POU2F1: variants seen among roughly 807,000 people sequenced by gnomAD.
The protein encoded by POU2F1 is POU class 2 homeobox 1, also known as POU domain, class 2, transcription factor 1.
A neutral mutation model predicts 84.9 loss-of-function variants in POU2F1; 16 were observed. The ratio of observed to expected loss-of-function variants is 0.19; its 90% CI spans 0.13 to 0.29. The LOEUF (loss-of-function observed/expected upper bound fraction) is 0.29. Ranked by LOEUF, POU2F1 falls within the 10% of genes least tolerant of loss-of-function variation. The probability of loss-of-function intolerance (pLI) is 1.00; values close to 1 mark genes in which losing one functional copy is unlikely to be tolerated. For synonymous variants in POU2F1, 368 were observed against 368.3 expected (o/e 1.00, Z 0.01); for missense variants, 738 against 942.6 (o/e 0.78, Z 2.84).
intron 10 of POU2F1, chr1:167,396,917 TG>T (rs1648850460): frequency 1.3e-5 from 2 of 153,750 alleles, no homozygotes; most frequent in African/African-American, 4.8e-5. Context: ...TTTGGAAGAT[TG>T]GAATTTTGAG....
intron 13 of POU2F1, among the ~76,000 whole-genome samples, chr1:167,405,065 C>G (rs184127624): frequency 6.6e-6 from 1 of 152,278 alleles, no homozygotes; most frequent in Admixed American, 6.5e-5. Flanking sequence ...GGTAAACATT[C>G]TAAAATAGAT....
intron 1 of POU2F1, among the ~76,000 whole-genome samples, chr1:167,259,905 G>A (rs1220616090): frequency 6.6e-6 from 1 of 151,090 alleles, no homozygotes; most frequent in African/African-American, 2.4e-5. Context: ...TTGAGACAGA[G>A]TCTCGCTCTG....
intron 2 of POU2F1, among the ~76,000 whole-genome samples, chr1:167,337,253 G>A (rs1657531713): frequency 1.3e-5 from 2 of 151,998 alleles, no homozygotes; most frequent in African/African-American, 2.4e-5. Context: ...CTGAGCTTGG[G>A]CAGTCGAGGC....
chr1:167,272,709 A>G (rs1652462204), intron 1 of POU2F1, among the ~76,000 whole-genome samples: 1 of 152,198 alleles, frequency 6.6e-6, no homozygotes, highest in South Asian at 2.1e-4. Context: ...CCCATGATCT[A>G]GTCACCTCCT....
intron 1 of POU2F1, among the ~76,000 whole-genome samples, chr1:167,261,476 AAGATATAGGGAT>A: frequency 6.6e-6 from 1 of 152,278 alleles, no homozygotes; most frequent in East Asian, 1.9e-4. Context: ...TTTTAAGAGC[AAGATATAGGGAT>A]AGATATAGCT....
At chr1:167,325,400 A>G (rs1656632223) in intron 1 of POU2F1, among the ~76,000 whole-genome samples, 1 of 152,168 alleles carries the variant, frequency 6.6e-6, no homozygotes, top group South Asian at 2.1e-4. Context: ...GAGGGTACAA[A>G]TGGCTATTCA....
chr1:167,282,149 T>TTA (rs1348521197), intron 1 of POU2F1, among the ~76,000 whole-genome samples: 2 of 149,974 alleles, frequency 1.3e-5, no homozygotes, highest in African/African-American at 4.9e-5. Flanking sequence ...TTTTTCTTAT[T>TTA]TTTTTTTTTT....
chr1:167,245,740 G>C (rs1650268823), intron 1 of POU2F1, among the ~76,000 whole-genome samples: 1 of 151,902 alleles, frequency 6.6e-6, no homozygotes, highest in Non-Finnish European at 1.5e-5. Context: ...AACTTTTTTT[G>C]TAGAGATGGT....
In POU2F1 at chr1:167,425,291, G is replaced by T. The variant is rs1650890307; in HGVS notation, c.*9481G>T. The T allele has an allele frequency of 6.6e-6, 1 of 152,010 alleles. No homozygotes were observed. The highest frequency in any genetic ancestry group is 2.4e-5 in the African/African-American group (1 of 41,360). The allele number at this position is 152,010 out of a possible 1,614,324, so 9.4% of individuals were successfully genotyped here. A position where few individuals can be genotyped will look rare whatever the true frequency, so the allele number is the denominator to read the frequency against. On this transcript the variant is annotated 3_prime_UTR_variant, in exon 16 of 16. Transcript: ENST00000367866. ...CAAAACCAAAGATTTCTTAATGATT[G>T]TATAAACTCAAAACAAACAAAAGAA...
chr1:167,304,077 A>G (rs1421171194), intron 1 of POU2F1, among the ~76,000 whole-genome samples: 1 of 152,132 alleles, frequency 6.6e-6, no homozygotes, highest in East Asian at 1.9e-4. Context: ...TAGAACAGAG[A>G]TCCGACTCCA....
Position 167,396,275 on chromosome 1 carries a change from A to T in POU2F1, c.988-11A>T. 6.2e-7 allele frequency: 1 copy of T among 1,613,700 alleles called. No individual in the cohort carries two copies. The highest frequency in any genetic ancestry group is 8.5e-7 in the Non-Finnish European group (1 of 1,179,730). ...TTCCTCTCCTCTTCTCCTGCTCTGT[A>T]TTGTGTGTAGGGTGATGTTGGGCTC... On this transcript the variant is annotated splice_polypyrimidine_tract_variant and intron_variant, in intron 9 of 15. Coordinates refer to ENST00000367866, the MANE Select transcript of POU2F1 (RefSeq NM_002697.4).
intron 9 of POU2F1, among the ~76,000 whole-genome samples, chr1:167,390,480 G>A (rs888133995): frequency 1.3e-5 from 2 of 152,130 alleles, no homozygotes; most frequent in Non-Finnish European, 2.9e-5. Flanking sequence ...AGTTTAGAAG[G>A]CTTATTTAAA....
At chr1:167,404,401 G>A (rs1164327630) in intron 13 of POU2F1, among the ~76,000 whole-genome samples, 1 of 152,138 alleles carries the variant, frequency 6.6e-6, no homozygotes, top group East Asian at 1.9e-4. Context: ...CTCGCGGTGA[G>A]CTGTGAATGT....
intron 1 of POU2F1, among the ~76,000 whole-genome samples, chr1:167,327,200 T>C (rs1411596561): frequency 2.6e-5 from 4 of 152,254 alleles, no homozygotes; most frequent in Admixed American, 2.0e-4. Flanking sequence ...AGTGACTTGA[T>C]GTCTGCCCTG....
chr1:167,359,016 AAT>A (rs1456315627), intron 2 of POU2F1, among the ~76,000 whole-genome samples: 2 of 151,424 alleles, frequency 1.3e-5, no homozygotes, highest in African/African-American at 4.8e-5. Context: ...AGTTTTTTTT[AAT>A]GGTATTCATT....
At position 167,396,663 on chromosome 1, in the gene POU2F1, C is replaced by T. The variant is rs913548172; in HGVS notation, c.1129+236C>T. 11 of 446,460 alleles carry T rather than the reference C, an allele frequency of 2.5e-5. No homozygotes were observed. In the South Asian group the frequency reaches 2.8e-4, roughly 12 times the overall value. 27.7% of individuals were successfully genotyped at this position (446,460 alleles called of 1,614,324 possible). A position where few individuals can be genotyped will look rare whatever the true frequency, so the allele number is the denominator to read the frequency against. The stretch of plus-strand genomic sequence containing the variant: ...GCCGTAATTTTTAGCCTGAAATACT[C>T]TTGTATTTGAGCCAGGATTAGGAAC... On this transcript the variant is annotated intron_variant, in intron 10 of 15. Coordinates refer to ENST00000367866, the MANE Select transcript of POU2F1 (RefSeq NM_002697.4).
intron 1 of POU2F1, among the ~76,000 whole-genome samples, chr1:167,332,072 G>C (rs151016207): frequency 2.0e-5 from 3 of 152,146 alleles, no homozygotes; most frequent in Admixed American, 1.3e-4. Flanking sequence ...ATTGCATATA[G>C]AAAAAGATAC....
chr1:167,233,751 A>C (rs1482485581), intron 1 of POU2F1, among the ~76,000 whole-genome samples: 1 of 152,228 alleles, frequency 6.6e-6, no homozygotes, highest in Non-Finnish European at 1.5e-5. Context: ...GATTTAGCTG[A>C]AGAGCCAAAG....
chr1:167,298,397 C>G (rs1203141175), intron 1 of POU2F1, among the ~76,000 whole-genome samples: 2 of 151,904 alleles, frequency 1.3e-5, no homozygotes, highest in African/African-American at 2.4e-5. Flanking sequence ...ATGATACAAG[C>G]ATTTTCTAAT....
Sources: allele counts gnomAD v4.1 joint callset (sites outside exome capture counted in the v4.1 genomes callset), GRCh38; gene constraint gnomAD v4.1.1; transcripts MANE v1.5; gene names NCBI Gene and HGNC (gene_info 2026-07-23, HGNC 2026-07-21).